The following RANBP2 variants were observed in gnomAD, a reference collection of about 807,000 sequenced individuals.
RANBP2 encodes the protein E3 SUMO-protein ligase RanBP2.
Under a neutral mutation model 303.6 loss-of-function variants are expected in RANBP2, and 57 were observed. The observed-to-expected ratio is 0.19, with a 90% CI of 0.15 to 0.23. The LOEUF (loss-of-function observed/expected upper bound fraction) is 0.23. Among genes scored for constraint, RANBP2 ranks in the 10% least tolerant of loss-of-function variants. The pLI is 1.00. For missense variants in RANBP2, 3,138 were observed against 3,780.8 expected (o/e 0.83, Z 4.46); for synonymous variants, 1,167 against 1,301.5 (o/e 0.90, Z 2.23).
At chr2:109,507,831 A>G in the RANBP2 span, among the ~76,000 whole-genome samples, 1 of 152,124 alleles carries the variant, frequency 6.6e-6, no homozygotes, top group Non-Finnish European at 1.5e-5. Context: ...GACGTGTGCA[A>G]ATGATGGGGC....
chr2:109,585,083 G>A, the RANBP2 span: 1 of 1,323,738 alleles, frequency 7.6e-7, no homozygotes, highest in East Asian at 2.4e-5. Context: ...CGAATGTCTT[G>A]AAATAAGAAA....
the RANBP2 span, among the ~76,000 whole-genome samples, chr2:109,766,568 T>C: frequency 6.6e-6 from 1 of 150,614 alleles, no homozygotes; most frequent in African/African-American, 2.4e-5. Context: ...CCAGATTCTC[T>C]TTTGTGAAAA....
the RANBP2 span, chr2:109,130,142 A>G: frequency 7.8e-7 from 1 of 1,281,374 alleles, no homozygotes; most frequent in Non-Finnish European, 9.8e-7. Flanking sequence ...GGAAGTGGCC[A>G]CGGCACGTGG....
the RANBP2 span, chr2:108,906,479 G>T: frequency 9.3e-7 from 1 of 1,071,406 alleles, no homozygotes; most frequent in Non-Finnish European, 1.4e-6. Context: ...CACCAGAGAC[G>T]CTGCACACAG....
the RANBP2 span, among the ~76,000 whole-genome samples, chr2:108,967,289 CACAGGGAAAA>C: frequency 1.3e-5 from 2 of 152,086 alleles, no homozygotes. Context: ...GTTCATATTT[CACAGGGAAAA>C]ACAGGAAAAA....
chr2:109,403,946 T>G, the RANBP2 span, among the ~76,000 whole-genome samples: 1 of 152,118 alleles, frequency 6.6e-6, no homozygotes, highest in Admixed American at 6.5e-5. Flanking sequence ...CCTTGGTAGG[T>G]GTACCTTGAG....
the RANBP2 span, among the ~76,000 whole-genome samples, chr2:109,298,107 G>A: frequency 1.3e-5 from 2 of 152,178 alleles, no homozygotes; most frequent in Non-Finnish European, 2.9e-5. Flanking sequence ...GCTTCTCAGG[G>A]GGATGCAGAG....
At chr2:109,254,681 C>G in the RANBP2 span, among the ~76,000 whole-genome samples, 2 of 152,160 alleles carry the variant, frequency 1.3e-5, no homozygotes, top group East Asian at 3.9e-4. Context: ...AGCTGTACCC[C>G]CTAATGTTGG....
chr2:109,680,187 C>A, the RANBP2 span, among the ~76,000 whole-genome samples: 81 of 127,568 alleles, frequency 6.3e-4, no homozygotes, highest in Non-Finnish European at 6.6e-4. Context: ...ACTAAAAATA[C>A]AAAAAAAAAA....
At chr2:109,424,511 C>T in the RANBP2 span, among the ~76,000 whole-genome samples, 1 of 152,212 alleles carries the variant, frequency 6.6e-6, no homozygotes. Flanking sequence ...CGGGGCAACC[C>T]AGCATCCACC....
At chr2:109,335,043 A>G in the RANBP2 span, among the ~76,000 whole-genome samples, 4 of 152,236 alleles carry the variant, frequency 2.6e-5, no homozygotes, top group Non-Finnish European at 5.9e-5. Flanking sequence ...CTCCCTGATC[A>G]TTGAAGACAC....
chr2:108,741,832 T>A (rs867652446), intron 7 of RANBP2, among the ~76,000 whole-genome samples: 1,795 of 135,496 alleles, frequency 0.013, 8 homozygotes, highest in Middle Eastern at 0.024. Flanking sequence ...TTTTTTTTTT[T>A]AATGAGCTTG....
the RANBP2 span, among the ~76,000 whole-genome samples, chr2:109,430,967 C>A: frequency 6.6e-6 from 1 of 152,204 alleles, no homozygotes; most frequent in Admixed American, 6.5e-5. Flanking sequence ...GGGCAGAGGG[C>A]CTTGCTATGT....
At chr2:108,806,471 C>T in the RANBP2 span, among the ~76,000 whole-genome samples, 1 of 152,056 alleles carries the variant, frequency 6.6e-6, no homozygotes, top group Non-Finnish European at 1.5e-5. Flanking sequence ...TGGCAGAATG[C>T]TTTTTTATGG....
the RANBP2 span, among the ~76,000 whole-genome samples, chr2:109,353,491 C>T: frequency 1.3e-5 from 2 of 152,158 alleles, no homozygotes; most frequent in Non-Finnish European, 2.9e-5. Flanking sequence ...GGTTGAGACC[C>T]CACCACCGCC....
At chr2:109,330,772 A>G in the RANBP2 span, among the ~76,000 whole-genome samples, 1 of 152,320 alleles carries the variant, frequency 6.6e-6, no homozygotes, top group Middle Eastern at 3.4e-3. Context: ...ACATACACAG[A>G]TACACAACTG....
the RANBP2 span, among the ~76,000 whole-genome samples, chr2:109,694,419 T>C: frequency 6.6e-6 from 1 of 151,696 alleles, no homozygotes; most frequent in African/African-American, 2.4e-5. Context: ...TTTTTTTTTT[T>C]TTTGAGATGG....
At chr2:109,324,781 G>A in the RANBP2 span, among the ~76,000 whole-genome samples, 1 of 152,142 alleles carries the variant, frequency 6.6e-6, no homozygotes, top group Non-Finnish European at 1.5e-5. Context: ...TCCAGACGGG[G>A]ATAGAGACCA....
chr2:109,341,324 A>G, the RANBP2 span, among the ~76,000 whole-genome samples: 1 of 152,238 alleles, frequency 6.6e-6, no homozygotes, highest in Non-Finnish European at 1.5e-5. Flanking sequence ...ATAAAGTGGA[A>G]GATGGGATAC....
Sources: gnomAD v4.1 joint callset for allele counts (sites outside exome capture counted in the v4.1 genomes callset) on GRCh38, gnomAD v4.1.1 for gene constraint, MANE v1.5 for transcripts, NCBI Gene and HGNC (gene_info 2026-07-23, HGNC 2026-07-21) for gene names.